NAV3: variants seen among roughly 807,000 people sequenced by gnomAD.
The protein encoded by NAV3 is neuron navigator 3.
In NAV3, 87 loss-of-function variants were observed where a neutral mutation model predicts 244.7. The ratio of observed to expected loss-of-function variants is 0.36; its 90% confidence interval spans 0.30 to 0.42. NAV3 has a LOEUF of 0.42. Ranked by LOEUF, NAV3 falls within the 20% of genes least tolerant of loss-of-function variation. The pLI is 1.00. For synonymous variants in NAV3, 1,126 were observed against 1,042.2 expected (o/e 1.08, Z -1.55); for missense variants, 2,663 against 2,893.3 (o/e 0.92, Z 1.83).
intron 2 of NAV3, among the ~76,000 whole-genome samples, chr12:77,799,387 C>G (rs1163493988): frequency 6.6e-6 from 1 of 152,120 alleles, no homozygotes; most frequent in African/African-American, 2.4e-5. Context: ...TATAATGGTA[C>G]CTGATTTTAA....
intron 2 of NAV3, among the ~76,000 whole-genome samples, chr12:77,767,558 A>T (rs1313512273): frequency 1.3e-5 from 2 of 152,218 alleles, no homozygotes; most frequent in Non-Finnish European, 2.9e-5. Flanking sequence ...CGGCCACTGC[A>T]TACAGCCAAG....
intron 1 of NAV3, among the ~76,000 whole-genome samples, chr12:77,898,543 C>A (rs1438475299): frequency 6.6e-6 from 1 of 151,942 alleles, no homozygotes; most frequent in Non-Finnish European, 1.5e-5. Flanking sequence ...TGATTGTGTC[C>A]CTTCAGTATT....
At chr12:77,862,961 C>T (rs1396487699) in intron 1 of NAV3, among the ~76,000 whole-genome samples, 3 of 150,402 alleles carry the variant, frequency 2.0e-5, no homozygotes, top group Non-Finnish European at 4.5e-5. Flanking sequence ...TGTTCCATTT[C>T]GTTATTTCTA....
At chr12:77,770,602 G>A (rs1870028991) in intron 2 of NAV3, among the ~76,000 whole-genome samples, 1 of 152,156 alleles carries the variant, frequency 6.6e-6, no homozygotes, top group Non-Finnish European at 1.5e-5. Flanking sequence ...TGATAGACTA[G>A]CAATTGCACA....
intron 2 of NAV3, among the ~76,000 whole-genome samples, chr12:77,677,692 G>C (rs117932919): frequency 0.025 from 3,774 of 152,308 alleles, 62 homozygotes; most frequent in Middle Eastern, 0.082. Flanking sequence ...TTAGCGCATT[G>C]CTTTGTAATT....
chr12:77,983,057 A>G (rs2136281603), intron 5 of NAV3, among the ~76,000 whole-genome samples: 1 of 152,326 alleles, frequency 6.6e-6, no homozygotes, highest in East Asian at 1.9e-4. Flanking sequence ...ATAGCATATA[A>G]TGAGAGAGAA....
intron 2 of NAV3, among the ~76,000 whole-genome samples, chr12:77,760,273 T>G (rs1869396418): frequency 6.6e-6 from 1 of 152,218 alleles, no homozygotes; most frequent in African/African-American, 2.4e-5. Flanking sequence ...TGGAGATCAA[T>G]TTTATGCTGA....
chr12:77,933,378 A>G (rs1243214657), intron 1 of NAV3, among the ~76,000 whole-genome samples: 1 of 152,202 alleles, frequency 6.6e-6, no homozygotes, highest in Admixed American at 6.5e-5. Flanking sequence ...AATTAACAGC[A>G]CTAGGTCAGA....
intron 2 of NAV3, among the ~76,000 whole-genome samples, chr12:77,765,659 A>G (rs903547130): frequency 5.3e-5 from 8 of 152,202 alleles, no homozygotes; most frequent in Non-Finnish European, 1.2e-4. Flanking sequence ...ACTAGAGCCT[A>G]GAGTTCATGT....
intron 4 of NAV3, 56 bp from the exon 5 acceptor site, chr12:77,968,463 T>A (rs747931034): frequency 8.0e-6 from 11 of 1,367,314 alleles, no homozygotes; most frequent in Admixed American, 3.6e-5. Context: ...CTAGAATTTG[T>A]TAAAAAGGAC....
At chr12:77,771,927 TA>T (rs11300519) in intron 2 of NAV3, among the ~76,000 whole-genome samples, 142,279 of 151,968 alleles carry the variant, frequency 0.94, 67,352 homozygotes, top group East Asian at 1. Flanking sequence ...ATAAAAAAAT[TA>T]AAAAAAAATG....
At chr12:78,053,138 G>A (rs770110) in intron 11 of NAV3, among the ~76,000 whole-genome samples, 8,824 of 151,552 alleles carry the variant, frequency 0.058, 322 homozygotes, top group Non-Finnish European at 0.082. Flanking sequence ...ACCTGAAACC[G>A]GGAGGCAGAA....
intron 4 of NAV3, 122 bp from the exon 5 acceptor site, chr12:77,968,397 C>A: frequency 1.3e-6 from 1 of 761,982 alleles, no homozygotes; most frequent in Non-Finnish European, 2.2e-6. Context: ...TCAACTGTGA[C>A]TGAGAGAATT....
intron 22 of NAV3, among the ~76,000 whole-genome samples, chr12:78,151,473 C>G (rs751491162): frequency 6.6e-6 from 1 of 151,912 alleles, no homozygotes; most frequent in African/African-American, 2.4e-5. Context: ...ACTATTGATA[C>G]GTGCATCAAC....
chr12:78,020,334 T>C (rs965407623), intron 8 of NAV3, among the ~76,000 whole-genome samples: 2 of 152,178 alleles, frequency 1.3e-5, no homozygotes, highest in Non-Finnish European at 2.9e-5. Flanking sequence ...CTAAAATATC[T>C]TTTAAATTTA....
rs935174430 is a variant in NAV3 at position 77,622,500 on chromosome 12, TC to T, written c.72+50237del. ...TTCTACACCACCACATTGATCAAGGTCCCTAGTGCTCTGCAGCGTGTTCATC... is the reference window on the plus strand; with the variant it reads ...TTCTACACCACCACATTGATCAAGGTCCTAGTGCTCTGCAGCGTGTTCATC... On this transcript the variant is annotated intron_variant, in intron 2 of 8. Transcript: ENST00000550042. Among the ~76,000 whole-genome samples, 3 of 148,558 alleles carry T rather than the reference TC, an allele frequency of 2.0e-5. No individual in the cohort carries two copies. In the Admixed American group the frequency reaches 2.0e-4, roughly 10 times the overall value.
intron 2 of NAV3, among the ~76,000 whole-genome samples, chr12:77,705,915 G>A (rs1263821910): frequency 1.3e-5 from 2 of 151,180 alleles, no homozygotes; most frequent in African/African-American, 2.5e-5. Flanking sequence ...ATTGCAAGTT[G>A]CATATTTTTA....
chr12:78,101,974 T>C (rs929339279), intron 12 of NAV3, among the ~76,000 whole-genome samples: 2 of 152,156 alleles, frequency 1.3e-5, no homozygotes, highest in African/African-American at 2.4e-5. Context: ...CATAAAAATG[T>C]GCGAAAAAGT....
rs187374418 is a variant in NAV3, at chr12:77,668,219, A to C, written c.72+95953A>C. 5.8e-4 allele frequency among the ~76,000 whole-genome samples: 89 copies of C among 152,274 alleles called. No homozygotes were observed. The East Asian group carries it at 0.015, about 26-fold the overall frequency. On this transcript the variant is annotated intron_variant, in intron 2 of 8. Coordinates refer to the NAV3 transcript ENST00000550042. ...AAACATTCTAGTAATATGACCAAAC[A>C]AAGTTCTTGATTACCCCCAAAAGAT...
Sources: gnomAD v4.1 joint callset for allele counts (sites outside exome capture counted in the v4.1 genomes callset) on GRCh38, gnomAD v4.1.1 for gene constraint, MANE v1.5 for transcripts, NCBI Gene and HGNC (gene_info 2026-07-23, HGNC 2026-07-21) for gene names.